Variants in FKBP9 observed in about 807,000 individuals in gnomAD.
FKBP9 encodes the protein FKBP prolyl isomerase 9.
In FKBP9, 27 loss-of-function variants were observed where a neutral mutation model predicts 55.6. That is an observed-to-expected ratio of 0.49 (90% CI 0.36 to 0.67). FKBP9 has a LOEUF of 0.67. Ranked by LOEUF, FKBP9 falls within the 30% of genes least tolerant of loss-of-function variation. The pLI, the probability that FKBP9 is intolerant of heterozygous loss-of-function variation, is 0.00. For missense variants in FKBP9, 539 were observed against 742.8 expected (o/e 0.73, Z 3.19); for synonymous variants, 267 against 296.5 (o/e 0.90, Z 1.02).
chr7:32,987,481 C>G (rs1199180688), intron 5 of FKBP9, among the ~76,000 whole-genome samples: 1 of 106,518 alleles, frequency 9.4e-6, no homozygotes, highest in Non-Finnish European at 1.9e-5. Flanking sequence ...GGAGACAGAG[C>G]AAGACCCTGT....
At chr7:32,993,684 G>T (rs1391230466) in intron 6 of FKBP9, among the ~76,000 whole-genome samples, 1 of 152,140 alleles carries the variant, frequency 6.6e-6, no homozygotes, top group Admixed American at 6.5e-5. Context: ...AATTAGCCAG[G>T]TGTGGTGGTA....
chr7:32,969,895 C>T (rs1770998837), intron 1 of FKBP9, among the ~76,000 whole-genome samples: 2 of 151,876 alleles, frequency 1.3e-5, no homozygotes, highest in African/African-American at 4.8e-5. Flanking sequence ...CCCAGCTACT[C>T]AGGAGGCCGA....
intron 6 of FKBP9, among the ~76,000 whole-genome samples, chr7:32,990,616 G>A (rs544993295): frequency 3.3e-5 from 5 of 152,288 alleles, no homozygotes; most frequent in East Asian, 1.9e-4. Context: ...TTGTCTATGC[G>A]TATTACTTTG....
At chr7:32,997,146 T>G (rs1314203456) in intron 7 of FKBP9, among the ~76,000 whole-genome samples, 1 of 152,010 alleles carries the variant, frequency 6.6e-6, no homozygotes, top group Non-Finnish European at 1.5e-5. Context: ...CTCGGCTCAC[T>G]GCAACCTCTG....
At chr7:33,003,619 C>T (rs146356689) in intron 9 of FKBP9, among the ~76,000 whole-genome samples, 3,941 of 152,282 alleles carry the variant, frequency 0.026, 72 homozygotes, top group South Asian at 0.08. Context: ...TCTTCCGTAT[C>T]GCGGAATCCA....
intron 4 of FKBP9, among the ~76,000 whole-genome samples, chr7:32,980,083 A>C (rs556717470): frequency 1.3e-5 from 2 of 152,320 alleles, no homozygotes; most frequent in South Asian, 4.1e-4. Context: ...CTGCCCACCT[A>C]CATAAAGCCT....
chr7:32,959,642 C>G (rs1028501838), intron 1 of FKBP9, among the ~76,000 whole-genome samples: 1 of 152,200 alleles, frequency 6.6e-6, no homozygotes, highest in African/African-American at 2.4e-5. Context: ...CAGTCCCTTT[C>G]AGCCACGAAT....
At chr7:32,982,350 T>G (rs544851328) in intron 5 of FKBP9, among the ~76,000 whole-genome samples, 95 of 152,278 alleles carry the variant, frequency 6.2e-4, no homozygotes, top group Middle Eastern at 6.8e-3. Context: ...AATGCAAGTA[T>G]AAGCAAACAC....
In FKBP9 at chr7:32,980,479, G is replaced by C. The variant is rs755287285; in HGVS notation, c.819G>C (p.Arg273=). 4 of 1,613,886 alleles carry C rather than the reference G, an allele frequency of 2.5e-6. No homozygotes were observed. Among genetic ancestry groups the C allele is most frequent in the Non-Finnish European group, 3.4e-6 (4 of 1,179,862 alleles). ...AGGTAGTACCTGAAAACTGTGAGCG[G>C]ATAAGTCAAAGTGGGGACTTTCTCA... The part of the protein sequence containing the change: ...ENKVVPENCE[R]ISQSGDFLRY... The change falls in exon 5 of 10, where the codon CGG becomes CGC. Residue 273 remains arginine, a synonymous_variant. Coordinates refer to ENST00000242209, the MANE Select transcript of FKBP9 (RefSeq NM_007270.5).
At chr7:32,991,508 G>A (rs1186647100) in intron 6 of FKBP9, among the ~76,000 whole-genome samples, 1 of 152,180 alleles carries the variant, frequency 6.6e-6, no homozygotes, top group African/African-American at 2.4e-5. Context: ...TCTTCTTAGT[G>A]GCTTCTTCAC....
chr7:32,975,134 C>T (rs750618096), intron 2 of FKBP9, 48 bp from the exon 3 acceptor site: 1 of 1,502,380 alleles, frequency 6.7e-7, no homozygotes, highest in Non-Finnish European at 9.2e-7. Context: ...ATTTATCTGG[C>T]CTGAAAGGCA....
intron 1 of FKBP9, among the ~76,000 whole-genome samples, chr7:32,966,527 G>A (rs1411199241): frequency 2.0e-5 from 3 of 152,154 alleles, no homozygotes; most frequent in Non-Finnish European, 4.4e-5. Context: ...TGACATGTAT[G>A]GACTACATGT....
At chr7:32,993,606 C>A (rs1784727265) in intron 6 of FKBP9, among the ~76,000 whole-genome samples, 1 of 152,198 alleles carries the variant, frequency 6.6e-6, no homozygotes, top group South Asian at 2.1e-4. Flanking sequence ...AGGCGGATAA[C>A]CTGAGGTCAG....
Position 33,006,600 on chromosome 7 carries a change from AT to A in FKBP9, c.*1254del. On this transcript the variant is annotated 3_prime_UTR_variant, in exon 10 of 10. Transcript: ENST00000242209. ...AGCTGCTGAGCATCAACAAGGTGAC[AT>A]TTTTCTGCTGCCCATTTGTGTCCTG... The A allele has an allele frequency of 4.7e-6, 1 of 210,568 alleles. No individual in the cohort carries two copies. The highest frequency in any genetic ancestry group is 9.7e-6 in the Non-Finnish European group (1 of 103,592). The allele number at this position is 210,568 out of a possible 1,614,324, so 13.0% of individuals were successfully genotyped here.
rs140452990 is a variant in FKBP9 at position 32,960,439 on chromosome 7, G to C, written c.221+2645G>C. 4.4e-3 allele frequency among the ~76,000 whole-genome samples: 676 copies of C among 152,224 alleles called. 7 individuals carry two copies. The highest frequency in any genetic ancestry group is 7.8e-3 in the Non-Finnish European group (529 of 68,002). On this transcript the variant is annotated intron_variant, in intron 1 of 9. Coordinates refer to ENST00000242209, the MANE Select transcript of FKBP9 (RefSeq NM_007270.5). ...CTGTGTCTTTGATTATAACCATTTA[G>C]TGGGTGTGAAATGATATCTCATTGT...
intron 4 of FKBP9, 116 bp downstream of exon 4, chr7:32,976,615 C>A: frequency 7.1e-7 from 1 of 1,409,548 alleles, no homozygotes; most frequent in Non-Finnish European, 9.5e-7. Flanking sequence ...CCTACACTGG[C>A]CAATATGGTA....
Position 33,000,216 on chromosome 7 carries a change from C to G in FKBP9, c.1328C>G (p.Thr443Arg), listed in dbSNP as rs1186435272. Residue 443 changes from threonine to arginine, a missense_variant, in exon 8 of 10, where the codon ACA becomes AGA. By Grantham distance (71) the Thr-to-Arg change is moderately conservative. Transcript: ENST00000242209. ...GAGATGTGCGTTGGCGAGAAACGGA[C>G]AGTGATCATTCCGCCTCACCTGGGC... ...LREMCVGEKR[T>R]VIIPPHLGYG... 1.2e-6 allele frequency: 2 copies of G among 1,613,320 alleles called. No individual in the cohort carries two copies. The highest frequency in any genetic ancestry group is 1.3e-5 in the African/African-American group (1 of 74,824).
At position 32,992,358 on chromosome 7, in the gene FKBP9, C is replaced by CGCAGAGGAAACCCACCACCA. The variant is rs1316583229; in HGVS notation, c.1039+3717_1039+3736dup. The stretch of plus-strand genomic sequence containing the variant: ...CCCCCCGCAGAGGAAACCCACCCAC[C>CGCAGAGGAAACCCACCACCA]GCAGAGGAAACCCACCACCAGCAGA... On this transcript the variant is annotated intron_variant, in intron 6 of 9. Coordinates refer to ENST00000242209, the MANE Select transcript of FKBP9 (RefSeq NM_007270.5). 6.6e-5 allele frequency among the ~76,000 whole-genome samples: 10 copies of CGCAGAGGAAACCCACCACCA among 151,804 alleles called. No homozygotes were observed. In the South Asian group the frequency reaches 2.1e-3, roughly 32 times the overall value.
intron 6 of FKBP9, among the ~76,000 whole-genome samples, chr7:32,994,462 C>G (rs1363767495): frequency 7.2e-5 from 11 of 152,126 alleles, no homozygotes; most frequent in Middle Eastern, 3.4e-3. Context: ...CTGCAGACAC[C>G]CACCCTGTCC....
Sources: allele counts gnomAD v4.1 joint callset (sites outside exome capture counted in the v4.1 genomes callset), GRCh38; gene constraint gnomAD v4.1.1; transcripts MANE v1.5; gene names NCBI Gene and HGNC (gene_info 2026-07-23, HGNC 2026-07-21).